The following WWP1 variants were observed in gnomAD, a reference collection of about 807,000 sequenced individuals.
WWP1 encodes NEDD4-like E3 ubiquitin-protein ligase WWP1.
Under a neutral mutation model 130.6 loss-of-function variants are expected in WWP1, and 49 were observed. That is an observed-to-expected ratio of 0.38 (90% CI 0.30 to 0.48). The LOEUF (loss-of-function observed/expected upper bound fraction) is 0.48. Among genes scored for constraint, WWP1 ranks in the 20% least tolerant of loss-of-function variants. WWP1 has a pLI of 0.99. For synonymous variants in WWP1, 332 were observed against 367.8 expected, an observed-to-expected ratio of 0.90 and a Z score of 1.11; for missense variants, 809 against 1,100.6, an observed-to-expected ratio of 0.74 and a Z score of 3.75.
rs1586321215 is a variant in WWP1 at position 86,387,352 on chromosome 8, G to A, written c.334+5723G>A. Among the ~76,000 whole-genome samples, 3 of 152,168 alleles carry A rather than the reference G, an allele frequency of 2.0e-5. No individual in the cohort carries two copies. In the South Asian group the frequency reaches 6.2e-4, roughly 32 times the overall value. On this transcript the variant is annotated intron_variant, in intron 5 of 24. Coordinates refer to ENST00000517970, the MANE Select transcript of WWP1 (RefSeq NM_007013.4). ...AAAGGTAGAAGGGAGTGCCAAAATA[G>A]CCTGTGAATAATAACACGGATTCTA...
rs996833145 is a variant in WWP1, at chr8:86,467,554, T to C, written c.*661T>C. On this transcript the variant is annotated 3_prime_UTR_variant, in exon 25 of 25. Transcript: ENST00000517970. ...TAACTTACACATGAAAGTCATATAC[T>C]AGATCCAATACTATTTAGTTTATTA... 1 of 152,484 alleles carries C rather than the reference T, an allele frequency of 6.6e-6. No homozygotes were observed. The highest frequency in any genetic ancestry group is 2.4e-5 in the African/African-American group (1 of 41,434). 9.4% of individuals were successfully genotyped at this position (152,484 alleles called of 1,614,324 possible). A position where few individuals can be genotyped will look rare whatever the true frequency, so the allele number is the denominator to read the frequency against.
intron 3 of WWP1, among the ~76,000 whole-genome samples, chr8:86,374,794 C>G (rs1824536258): frequency 6.6e-6 from 1 of 152,050 alleles, no homozygotes; most frequent in Non-Finnish European, 1.5e-5. Context: ...CTTGTAGCCT[C>G]AAACTACTGG....
Position 86,467,022 on chromosome 8 carries a change from G to A in WWP1, c.*129G>A, listed in dbSNP as rs1395373562. On this transcript the variant is annotated 3_prime_UTR_variant, in exon 25 of 25. Coordinates refer to ENST00000517970, the MANE Select transcript of WWP1 (RefSeq NM_007013.4). ...CCGAACCTCTCAAAGTATGTTTTCC[G>A]TTCTTCCACAGAAATATGCAAAACA... 2.8e-5 allele frequency: 19 copies of A among 670,348 alleles called. No individual in the cohort carries two copies. The highest frequency in any genetic ancestry group is 5.9e-5 in the East Asian group (2 of 34,180). The allele number at this position is 670,348 out of a possible 1,614,324, so 41.5% of individuals were successfully genotyped here. A position where few individuals can be genotyped will look rare whatever the true frequency, so the allele number is the denominator to read the frequency against.
At chr8:86,379,232 G>A (rs1824846240) in intron 3 of WWP1, among the ~76,000 whole-genome samples, 1 of 152,136 alleles carries the variant, frequency 6.6e-6, no homozygotes, top group South Asian at 2.1e-4. Context: ...GAGCAGTTTG[G>A]AACGATGAAG....
chr8:86,394,919 A>T (rs1363731533), intron 5 of WWP1, among the ~76,000 whole-genome samples: 2 of 102,162 alleles, frequency 2.0e-5, no homozygotes, highest in African/African-American at 7.7e-5. Flanking sequence ...AAAAAGGTAG[A>T]GGGCTGTTCT....
chr8:86,372,315 C>T (rs1824364161), intron 2 of WWP1, among the ~76,000 whole-genome samples: 1 of 152,264 alleles, frequency 6.6e-6, no homozygotes, highest in African/African-American at 2.4e-5. Flanking sequence ...AGCCACCGCG[C>T]CCGGCCTAAT....
chr8:86,420,267 G>C (rs1809128705), intron 9 of WWP1, among the ~76,000 whole-genome samples: 1 of 152,176 alleles, frequency 6.6e-6, no homozygotes, highest in African/African-American at 2.4e-5. Context: ...AACAGCTAAT[G>C]AGCTTGAACG....
intron 1 of WWP1, among the ~76,000 whole-genome samples, chr8:86,344,926 C>T (rs552145475): frequency 6.6e-5 from 10 of 152,244 alleles, no homozygotes; most frequent in South Asian, 6.2e-4. Flanking sequence ...TGGATTTACC[C>T]GGTGGTGGGG....
intron 2 of WWP1, among the ~76,000 whole-genome samples, 171 bp downstream of exon 2, chr8:86,369,202 C>T (rs1293333538): frequency 6.6e-6 from 1 of 152,166 alleles, no homozygotes. Context: ...GACAGAGTGC[C>T]TCCCTCCTCA....
At chr8:86,442,837 C>T in intron 18 of WWP1, 59 bp downstream of exon 18, 2 of 1,332,554 alleles carry the variant, frequency 1.5e-6, no homozygotes, top group Non-Finnish European at 1.9e-6. Context: ...TTAGAGAAGG[C>T]TTTTAAAAAA....
At chr8:86,454,260 G>A (rs962420186) in intron 21 of WWP1, among the ~76,000 whole-genome samples, 6 of 151,876 alleles carry the variant, frequency 4.0e-5, no homozygotes. Context: ...AAATGCTATG[G>A]TAAATAGTTG....
At chr8:86,438,910 C>A (rs1563534570) in intron 17 of WWP1, among the ~76,000 whole-genome samples, 1 of 151,818 alleles carries the variant, frequency 6.6e-6, no homozygotes, top group African/African-American at 2.4e-5. Flanking sequence ...ATATTTGCTG[C>A]TTTTTTTAAC....
intron 17 of WWP1, among the ~76,000 whole-genome samples, chr8:86,441,325 A>C (rs868207603): frequency 6.6e-6 from 1 of 152,244 alleles, no homozygotes; most frequent in Non-Finnish European, 1.5e-5. Context: ...AACTGGACTT[A>C]GTTTTAATAA....
chr8:86,416,861 G>T (rs533790696), intron 9 of WWP1, among the ~76,000 whole-genome samples: 1 of 152,210 alleles, frequency 6.6e-6, no homozygotes, highest in East Asian at 1.9e-4. Flanking sequence ...GCTCTAGCAG[G>T]CTGTCACTGT....
chr8:86,381,010 G>C, intron 4 of WWP1, 146 bp downstream of exon 4: 1 of 1,131,162 alleles, frequency 8.8e-7, no homozygotes, highest in Non-Finnish European at 1.2e-6. Context: ...GAAATTTTTG[G>C]TTAAATTTTT....
At chr8:86,434,115 CTTTCTTCCCACACCTTG>C (rs1316165997) in intron 14 of WWP1, among the ~76,000 whole-genome samples, 1 of 152,190 alleles carries the variant, frequency 6.6e-6, no homozygotes, top group Admixed American at 6.5e-5. Flanking sequence ...CCTCTCTCTG[CTTTCTTCCCACACCTTG>C]TACAATGTTG....
At chr8:86,433,849 C>G (rs2130690405) in intron 14 of WWP1, among the ~76,000 whole-genome samples, 1 of 151,964 alleles carries the variant, frequency 6.6e-6, no homozygotes, top group East Asian at 1.9e-4. Context: ...ACCCAGGAGG[C>G]AGAGGTTGCA....
At chr8:86,372,215 G>A (rs906560696) in intron 2 of WWP1, among the ~76,000 whole-genome samples, 2 of 151,410 alleles carry the variant, frequency 1.3e-5, no homozygotes, top group Non-Finnish European at 2.9e-5. Context: ...GTAGAGACGG[G>A]GTTTCACCGT....
Position 86,425,210 on chromosome 8 carries a change from A to C in WWP1, c.1062-13A>C. On this transcript the variant is annotated splice_polypyrimidine_tract_variant and intron_variant, in intron 9 of 24. Transcript: ENST00000517970. Reference sequence around the variant, plus strand: ...TGTTGTCTCTTACTGTTATTTTTGTATTTTTATTAAAGGTGGGAACAAAGA... The same window carrying C: ...TGTTGTCTCTTACTGTTATTTTTGTCTTTTTATTAAAGGTGGGAACAAAGA... 1 of 1,596,418 alleles carries C rather than the reference A, an allele frequency of 6.3e-7. No individual in the cohort carries two copies. The highest frequency in any genetic ancestry group is 8.5e-7 in the Non-Finnish European group (1 of 1,173,486).
Sources: allele counts gnomAD v4.1 joint callset (sites outside exome capture counted in the v4.1 genomes callset), GRCh38; gene constraint gnomAD v4.1.1; transcripts MANE v1.5; gene names NCBI Gene and HGNC (gene_info 2026-07-23, HGNC 2026-07-21).